Variants in SERGEF observed in about 807,000 individuals in gnomAD.
SERGEF encodes the protein secretion-regulating guanine nucleotide exchange factor.
SERGEF carries 51 observed loss-of-function variants against 50.0 expected under a neutral mutation model. The observed-to-expected ratio is 1.02, with a 90% confidence interval of 0.81 to 1.29. The LOEUF (loss-of-function observed/expected upper bound fraction) is 1.29, where lower values mean the gene tolerates loss of function less well. Among genes scored for constraint, SERGEF ranks in the 50% most tolerant of loss-of-function variants. The pLI is 0.00. For synonymous variants in SERGEF, 205 were observed against 212.4 expected, an observed-to-expected ratio of 0.97 and a Z score of 0.30; for missense variants, 521 against 557.0, an observed-to-expected ratio of 0.94 and a Z score of 0.65.
chr11:17,832,015 A>G (rs1328379383), intron 10 of SERGEF, among the ~76,000 whole-genome samples: 1 of 152,216 alleles, frequency 6.6e-6, no homozygotes, highest in Non-Finnish European at 1.5e-5. Context: ...AAAGTCCACT[A>G]TATCTGAAGC....
chr11:17,863,075 T>G (rs1216586405), intron 10 of SERGEF, among the ~76,000 whole-genome samples: 1 of 152,232 alleles, frequency 6.6e-6, no homozygotes, highest in East Asian at 1.9e-4. Flanking sequence ...GACCTTGCAG[T>G]CAGCAGACCT....
chr11:17,887,631 C>T (rs888701852), intron 9 of SERGEF, among the ~76,000 whole-genome samples: 1 of 152,208 alleles, frequency 6.6e-6, no homozygotes, highest in Non-Finnish European at 1.5e-5. Context: ...GTAAATTCAA[C>T]AACTGCTTGG....
At chr11:17,897,046 G>T (rs1851660222) in intron 9 of SERGEF, among the ~76,000 whole-genome samples, 1 of 152,120 alleles carries the variant, frequency 6.6e-6, no homozygotes, top group African/African-American at 2.4e-5. Flanking sequence ...TCAATCACAC[G>T]TGCCCTTTAA....
chr11:17,999,444 A>G (rs1403633523), intron 5 of SERGEF: 3 of 321,768 alleles, frequency 9.3e-6, no homozygotes, highest in East Asian at 9.5e-5. Context: ...AGTATAATCA[A>G]TGCTAAGCCC....
At chr11:17,799,902 T>G (rs1849635150) in intron 10 of SERGEF, among the ~76,000 whole-genome samples, 1 of 152,200 alleles carries the variant, frequency 6.6e-6, no homozygotes, top group South Asian at 2.1e-4. Context: ...AGTGCTGGGT[T>G]AGAGAGCTGA....
At chr11:17,939,651 G>A (rs545734677) in intron 9 of SERGEF, 1 of 152,514 alleles carries the variant, frequency 6.6e-6, no homozygotes, top group Admixed American at 6.5e-5. Flanking sequence ...CAGGCAGCAT[G>A]ACTCCTGACA....
chr11:17,894,568 A>G (rs1203728745), intron 9 of SERGEF, among the ~76,000 whole-genome samples: 1 of 152,180 alleles, frequency 6.6e-6, no homozygotes, highest in African/African-American at 2.4e-5. Context: ...AACTTTCTTA[A>G]TCACGCGGGA....
At chr11:17,874,879 C>T (rs1365141472) in intron 10 of SERGEF, among the ~76,000 whole-genome samples, 1 of 151,602 alleles carries the variant, frequency 6.6e-6, no homozygotes. Context: ...TCCTGAGATT[C>T]CTACCCTGGC....
intron 10 of SERGEF, among the ~76,000 whole-genome samples, chr11:17,873,371 T>G (rs1453813936): frequency 1.3e-5 from 2 of 152,188 alleles, no homozygotes; most frequent in Non-Finnish European, 2.9e-5. Flanking sequence ...CCTATCTCAT[T>G]GTGCACAGAA....
At chr11:17,836,929 C>G (rs565958896) in intron 10 of SERGEF, among the ~76,000 whole-genome samples, 1 of 152,154 alleles carries the variant, frequency 6.6e-6, no homozygotes, top group Non-Finnish European at 1.5e-5. Flanking sequence ...TCTTATTCAC[C>G]ACCAGCAGAA....
At chr11:17,922,861 T>C (rs927798667) in intron 9 of SERGEF, among the ~76,000 whole-genome samples, 1 of 152,212 alleles carries the variant, frequency 6.6e-6, no homozygotes, top group Non-Finnish European at 1.5e-5. Context: ...TTACTCCTTT[T>C]GTGTCCTGGA....
intron 10 of SERGEF, among the ~76,000 whole-genome samples, chr11:17,846,200 G>A (rs1255529338): frequency 3.3e-5 from 5 of 152,150 alleles, no homozygotes; most frequent in Admixed American, 2.0e-4. Flanking sequence ...AGAGTCCTTC[G>A]TGCTGTGCAT....
At chr11:17,880,236 T>A (rs1565193294) in intron 9 of SERGEF, among the ~76,000 whole-genome samples, 1 of 152,188 alleles carries the variant, frequency 6.6e-6, no homozygotes, top group Non-Finnish European at 1.5e-5. Flanking sequence ...TGGCTCTGTG[T>A]CTGATTGACC....
At chr11:17,792,806 C>T (rs1682057953) in intron 10 of SERGEF, among the ~76,000 whole-genome samples, 1 of 152,182 alleles carries the variant, frequency 6.6e-6, no homozygotes, top group Admixed American at 6.5e-5. Flanking sequence ...CATGTTACAT[C>T]CCAGGGCTTG....
chr11:17,877,979 G>A (rs1851268280), intron 10 of SERGEF: 5 of 438,150 alleles, frequency 1.1e-5, no homozygotes, highest in Non-Finnish European at 2.0e-5. Flanking sequence ...TTCCCGGGCA[G>A]GGAGGCCAGC....
rs368194100 is a variant in SERGEF at position 18,004,563 on chromosome 11, A to G, written c.353-28T>C. 976 of 1,503,674 alleles carry G rather than the reference A, an allele frequency of 6.5e-4. 1 individual carries two copies. The highest frequency in any genetic ancestry group is 8.0e-4 in the Non-Finnish European group (874 of 1,088,428). 93.1% of individuals were successfully genotyped at this position (1,503,674 alleles called of 1,614,324 possible). ...GCAAAATACAAATACTTAAATTGCAAATCTATGAAGTAAGATGTCTGTGAC... is the reference window on the plus strand; with the variant it reads ...GCAAAATACAAATACTTAAATTGCAGATCTATGAAGTAAGATGTCTGTGAC... On this transcript the variant is annotated intron_variant, in intron 3 of 10. Transcript: ENST00000265965.
At chr11:17,813,585 A>T (rs912881388) in intron 10 of SERGEF, among the ~76,000 whole-genome samples, 6 of 152,242 alleles carry the variant, frequency 3.9e-5, no homozygotes, top group African/African-American at 1.4e-4. Context: ...ATGCCACCTG[A>T]AACATTCTAG....
rs138182148 is a variant in SERGEF at position 17,824,031 on chromosome 11, G to A, written c.1049-35618C>T. Among the ~76,000 whole-genome samples, 813 of 152,296 alleles carry A rather than the reference G, an allele frequency of 5.3e-3. 4 individuals are homozygous for A. Among genetic ancestry groups the A allele is most frequent in the African/African-American group, 0.019 (780 of 41,566 alleles). ...AAGGGCCTCTTTTTGGCCGGGCGCG[G>A]TGGCTCATGCCTGTAATCCCAGCAC... is the stretch of plus-strand genomic sequence containing the variant. On this transcript the variant is annotated intron_variant, in intron 10 of 10. Coordinates refer to ENST00000265965, the MANE Select transcript of SERGEF (RefSeq NM_012139.4).
intron 8 of SERGEF, among the ~76,000 whole-genome samples, chr11:17,978,242 A>G (rs1853419919): frequency 1.3e-5 from 2 of 151,984 alleles, no homozygotes; most frequent in Non-Finnish European, 2.9e-5. Flanking sequence ...CTTGGCAAAC[A>G]CTGGCTCCCT....
Sources: gnomAD v4.1 joint callset for allele counts (sites outside exome capture counted in the v4.1 genomes callset) on GRCh38, gnomAD v4.1.1 for gene constraint, MANE v1.5 for transcripts, NCBI Gene and HGNC (gene_info 2026-07-23, HGNC 2026-07-21) for gene names.